Variants in PM20D2 observed in about 807,000 individuals in gnomAD.
PM20D2 encodes peptidase M20 domain containing 2, also known as xaa-Arg dipeptidase.
Under a neutral mutation model 42.9 loss-of-function variants are expected in PM20D2, and 33 were observed. The observed-to-expected ratio is 0.77, with a 90% CI of 0.58 to 1.03. The LOEUF (loss-of-function observed/expected upper bound fraction) is 1.03. Among genes scored for constraint, PM20D2 ranks in the 50% least tolerant of loss-of-function variants. PM20D2 has a pLI of 0.00. For missense variants in PM20D2, 548 were observed against 557.0 expected (o/e 0.98, Z 0.16); for synonymous variants, 250 against 228.2 (o/e 1.10, Z -0.86).
chr6:89,121,812 C>T, the PM20D2 span, among the ~76,000 whole-genome samples: 2 of 152,102 alleles, frequency 1.3e-5, no homozygotes, highest in African/African-American at 2.4e-5. Context: ...TTATTTAATA[C>T]ATTTAAAAAA....
chr6:89,152,921 C>A, intron 2 of PM20D2, 122 bp from the exon 3 acceptor site: 2 of 715,822 alleles, frequency 2.8e-6, no homozygotes, highest in African/African-American at 1.8e-5. Context: ...AAATAATTTG[C>A]AAATCAAAAG....
chr6:89,103,517 C>T, the PM20D2 span, among the ~76,000 whole-genome samples: 8 of 152,160 alleles, frequency 5.3e-5, no homozygotes, highest in South Asian at 1.0e-3. Context: ...TTAGTAGACA[C>T]GGGGTTTCGC....
intron 3 of PM20D2, 63 bp downstream of exon 3, chr6:89,153,248 A>G: frequency 1.6e-6 from 2 of 1,241,170 alleles, no homozygotes; most frequent in Non-Finnish European, 1.1e-6. Flanking sequence ...CAGTATAATT[A>G]TTTAATATTC....
intron 2 of PM20D2, among the ~76,000 whole-genome samples, chr6:89,151,148 C>T (rs1188230865): frequency 3.0e-5 from 3 of 98,610 alleles, no homozygotes; most frequent in Non-Finnish European, 5.9e-5. Context: ...AGTGAAACTC[C>T]ATCTCAAAAA....
At position 89,149,277 on chromosome 6, in the gene PM20D2, G is replaced by A. The variant is rs1343054782; in HGVS notation, c.478G>A (p.Gly160Arg). 1 of 1,613,538 alleles carries A rather than the reference G, an allele frequency of 6.2e-7. No homozygotes were observed. Among genetic ancestry groups the A allele is most frequent in the African/African-American group, 1.3e-5 (1 of 74,896 alleles). Reference sequence around the variant, plus strand: ...TATTTCCTTCTAGGTAGTTGTCCTGGGAACCCCTGCAGAAGAAGATGGTGG... The same window carrying A: ...TATTTCCTTCTAGGTAGTTGTCCTGAGAACCCCTGCAGAAGAAGATGGTGG... Reference protein sequence around the residue: ...PPPPVKVVVLGTPAEEDGGGK... With the variant: ...PPPPVKVVVLRTPAEEDGGGK... The change falls in exon 2 of 7, where the codon GGA becomes AGA. Residue 160 changes from glycine (G) to arginine (R), a missense_variant. Transcript: ENST00000275072.
Position 89,146,472 on chromosome 6 carries a change from T to A in PM20D2, c.328T>A (p.Phe110Ile). Residue 110 changes from phenylalanine (F) to isoleucine (I), a missense_variant, in exon 1 of 7, where the codon TTC (phenylalanine) becomes ATC (isoleucine). Around this residue, in one of 3 missense-constraint regions of PM20D2, gnomAD observed 470 missense variants for 464.4 expected, o/e 1.01. Coordinates refer to ENST00000275072, the MANE Select transcript of PM20D2 (RefSeq NM_001010853.3). ...SATPRPLHLGFLCEYDALPGI... is the reference protein window; with the variant it reads ...SATPRPLHLGILCEYDALPGI... ...CACGCCACGCCCGCTGCACCTGGGC[T>A]TCCTCTGCGAGTACGACGCGCTGCC... 1 of 1,523,978 alleles carries A rather than the reference T, an allele frequency of 6.6e-7. No individual in the cohort carries two copies. Among genetic ancestry groups the A allele is most frequent in the Non-Finnish European group, 8.7e-7 (1 of 1,143,012 alleles). 94.4% of individuals were successfully genotyped at this position (1,523,978 alleles called of 1,614,324 possible). A position where few individuals can be genotyped will look rare whatever the true frequency, so the allele number is the denominator to read the frequency against.
At chr6:89,129,935 T>C in the PM20D2 span, among the ~76,000 whole-genome samples, 1 of 151,932 alleles carries the variant, frequency 6.6e-6, no homozygotes, top group Admixed American at 6.6e-5. Flanking sequence ...GGGGTCTCAA[T>C]ATATTACACA....
At chr6:89,144,356 C>G (rs1425058342), upstream of PM20D2, among the ~76,000 whole-genome samples, 1 of 152,204 alleles carries the variant, frequency 6.6e-6, no homozygotes, top group East Asian at 1.9e-4. Context: ...CTACTGATGT[C>G]AGCAGGCAGA....
the PM20D2 span, among the ~76,000 whole-genome samples, chr6:89,108,366 C>G: frequency 8.5e-3 from 1,300 of 152,286 alleles, 20 homozygotes; most frequent in African/African-American, 0.03. Flanking sequence ...ATGGGTGATA[C>G]AGACAGAATT....
the PM20D2 span, among the ~76,000 whole-genome samples, chr6:89,135,348 G>A: frequency 6.6e-6 from 1 of 150,848 alleles, no homozygotes; most frequent in Non-Finnish European, 1.5e-5. Context: ...TCATTATTTA[G>A]CTATAATCCA....
the PM20D2 span, among the ~76,000 whole-genome samples, chr6:89,101,372 G>T: frequency 6.6e-6 from 1 of 152,138 alleles, no homozygotes. Context: ...CATAGGCAAA[G>T]AAAACTACAC....
At chr6:89,162,075 AG>A in intron 6 of PM20D2, 33 bp from the exon 7 acceptor site, 2 of 1,585,854 alleles carry the variant, frequency 1.3e-6, no homozygotes, top group Non-Finnish European at 1.7e-6. Flanking sequence ...AGCTTAAATA[AG>A]TAAGGAGGTA....
At chr6:89,128,055 A>T in the PM20D2 span, among the ~76,000 whole-genome samples, 5 of 152,238 alleles carry the variant, frequency 3.3e-5, no homozygotes, top group African/African-American at 1.2e-4. Context: ...ACCTTGAAAA[A>T]GAACAGAATA....
At chr6:89,120,416 C>T in the PM20D2 span, among the ~76,000 whole-genome samples, 8 of 152,004 alleles carry the variant, frequency 5.3e-5, no homozygotes, top group South Asian at 2.1e-4. Context: ...TTTTGGGGGC[C>T]GCCATTCAAA....
the PM20D2 span, among the ~76,000 whole-genome samples, chr6:89,136,413 C>T: frequency 6.6e-6 from 1 of 151,310 alleles, no homozygotes; most frequent in African/African-American, 2.5e-5. Context: ...CGCAGTGGCT[C>T]ACGCCTGTAA....
chr6:89,102,202 G>A, the PM20D2 span, among the ~76,000 whole-genome samples: 31 of 152,072 alleles, frequency 2.0e-4, no homozygotes, highest in Admixed American at 2.0e-3. Flanking sequence ...GGAGTGCAGT[G>A]GGGCGAGCTT....
chr6:89,130,590 A>G, the PM20D2 span, among the ~76,000 whole-genome samples: 3 of 151,714 alleles, frequency 2.0e-5, no homozygotes, highest in Non-Finnish European at 4.4e-5. Context: ...CGCCACTTTG[A>G]TTTCTATCCA....
the PM20D2 span, among the ~76,000 whole-genome samples, chr6:89,094,962 G>A: frequency 1.3e-5 from 2 of 151,944 alleles, no homozygotes; most frequent in African/African-American, 2.4e-5. Flanking sequence ...CTGAACCATT[G>A]GTCCTTAAAC....
the PM20D2 span, among the ~76,000 whole-genome samples, chr6:89,127,797 G>C: frequency 9.2e-5 from 14 of 152,268 alleles, no homozygotes; most frequent in East Asian, 2.7e-3. Context: ...TCCTGTTGTG[G>C]GAAGTCAGGG....
Sources: allele counts gnomAD v4.1 joint callset (sites outside exome capture counted in the v4.1 genomes callset), GRCh38; gene constraint gnomAD v4.1.1; regional missense constraint gnomAD v4.1.1; transcripts MANE v1.5; gene names NCBI Gene and HGNC (gene_info 2026-07-23, HGNC 2026-07-21).